Variants in CAMSAP2 observed in about 807,000 individuals in gnomAD.
CAMSAP2 encodes the protein calmodulin regulated spectrin associated protein family member 2.
In CAMSAP2, 26 loss-of-function variants were observed where a neutral mutation model predicts 146.1. The observed-to-expected ratio is 0.18, with a 90% CI of 0.13 to 0.25. CAMSAP2 has a LOEUF of 0.25. Among genes scored for constraint, CAMSAP2 ranks in the 10% least tolerant of loss-of-function variants. CAMSAP2 has a pLI of 1.00. For missense variants in CAMSAP2, 1,381 were observed against 1,759.3 expected, an observed-to-expected ratio of 0.78 and a Z score of 3.85; for synonymous variants, 499 against 596.6, an observed-to-expected ratio of 0.84 and a Z score of 2.38.
rs767210535 is a variant in CAMSAP2, at chr1:200,740,001, C to G, written c.139+35C>G. On this transcript the variant is annotated intron_variant, in intron 1 of 16. Transcript: ENST00000358823. ...GTCACCCTTTCCCTCCCCTCTTCCT[C>G]CTGATGTGGTCCACATCTCGGTTTT... 2.5e-6 allele frequency: 4 copies of G among 1,608,600 alleles called. No homozygotes were observed. The African/African-American group carries it at 5.3e-5, about 21-fold the overall frequency.
At chr1:200,756,427 T>C (rs1169094622) in intron 1 of CAMSAP2, among the ~76,000 whole-genome samples, 2 of 151,214 alleles carry the variant, frequency 1.3e-5, no homozygotes, top group African/African-American at 4.9e-5. Context: ...CACTCCAGCC[T>C]GGGCGACAGA....
chr1:200,840,883 A>G (rs1045197730), intron 6 of CAMSAP2, among the ~76,000 whole-genome samples: 3 of 152,204 alleles, frequency 2.0e-5, no homozygotes, highest in African/African-American at 7.2e-5. Flanking sequence ...ATAGTTATGA[A>G]AACAGATTTT....
At position 200,850,047 on chromosome 1, in the gene CAMSAP2, C is replaced by G; in HGVS notation, c.3278C>G (p.Pro1093Arg). ...CCAAATGAGGACCAATTGAATCAAC[C>G]CACAGAACCCCCTCCTAAACCCGTT... ...LTPNEDQLNQ[P>R]TEPPPKPVFP... The change falls in exon 11 of 17, where the codon CCC becomes CGC. Residue 1093 changes from proline to arginine, a missense_variant. Transcript: ENST00000358823. The G allele has an allele frequency of 6.2e-7, 1 of 1,612,126 alleles. No homozygotes were observed. The highest frequency in any genetic ancestry group is 8.5e-7 in the Non-Finnish European group (1 of 1,179,134).
rs1667767043 is a variant in CAMSAP2, at chr1:200,857,033, G to A, written c.4013-273G>A. Among the ~76,000 whole-genome samples the A allele has an allele frequency of 6.6e-6, 1 of 152,124 alleles. No homozygotes were observed. Among genetic ancestry groups the A allele is most frequent in the Admixed American group, 6.6e-5 (1 of 15,258 alleles). On this transcript the variant is annotated intron_variant, in intron 15 of 16. Transcript: ENST00000358823. This position sits in a 1 kb window ranked among gnomAD's most constrained non-coding sequence, Gnocchi z 4.7. ...TAACCGTATAGATTTAAGAAAGAAG[G>A]TTAAATAGGCAGTATGACAGTTATA...
chr1:200,819,156 A>ATCC (rs1666683346), intron 4 of CAMSAP2, among the ~76,000 whole-genome samples: 1 of 152,224 alleles, frequency 6.6e-6, no homozygotes, highest in Non-Finnish European at 1.5e-5. Context: ...AGGGTATTAG[A>ATCC]TCCTCCAGTG....
intron 1 of CAMSAP2, among the ~76,000 whole-genome samples, chr1:200,756,207 CT>C (rs1664644291): frequency 6.6e-6 from 1 of 152,164 alleles, no homozygotes; most frequent in African/African-American, 2.4e-5. Context: ...AATCCCAGCA[CT>C]TTGGGAGGCC....
chr1:200,816,150 T>C (rs1041473278), intron 4 of CAMSAP2, among the ~76,000 whole-genome samples: 2 of 151,762 alleles, frequency 1.3e-5, no homozygotes, highest in Non-Finnish European at 2.9e-5. Flanking sequence ...AAAAATTAGC[T>C]GGGCATAGTG....
At chr1:200,788,140 T>C (rs1665646273) in intron 2 of CAMSAP2, among the ~76,000 whole-genome samples, 1 of 152,214 alleles carries the variant, frequency 6.6e-6, no homozygotes, top group Non-Finnish European at 1.5e-5. Context: ...GAATGTAGCC[T>C]TTTCACATTG....
chr1:200,746,320 TG>T (rs1664322044), intron 1 of CAMSAP2, among the ~76,000 whole-genome samples: 1 of 151,934 alleles, frequency 6.6e-6, no homozygotes, highest in South Asian at 2.1e-4. Flanking sequence ...TGGAAAGAAG[TG>T]GATGAATGTA....
At chr1:200,754,930 T>C (rs1375341434) in intron 1 of CAMSAP2, among the ~76,000 whole-genome samples, 1 of 152,180 alleles carries the variant, frequency 6.6e-6, no homozygotes, top group Non-Finnish European at 1.5e-5. Flanking sequence ...ATAGACTCAT[T>C]GATGCGTGTT....
chr1:200,751,830 G>A (rs1664515263), intron 1 of CAMSAP2, among the ~76,000 whole-genome samples: 1 of 152,212 alleles, frequency 6.6e-6, no homozygotes, highest in African/African-American at 2.4e-5. Flanking sequence ...GTGGGAATCT[G>A]TGTTGGAAAT....
At position 200,848,952 on chromosome 1, in the gene CAMSAP2, C is replaced by T. The variant is rs747745457; in HGVS notation, c.2183C>T (p.Ala728Val). The change falls in exon 11 of 17, where the codon GCA (alanine) becomes GTA (valine). Residue 728 changes from alanine to valine, a missense_variant. Transcript: ENST00000358823. ...AATATTCCTCATGTGGTTGCTTGGG[C>T]ACAAATTCCAGAAGAAACAGGGCTT... is the stretch of plus-strand genomic sequence containing the variant. ...ELNIPHVVAWAQIPEETGLPQ... is the reference protein window; with the variant it reads ...ELNIPHVVAWVQIPEETGLPQ... 1.9e-5 allele frequency: 30 copies of T among 1,614,130 alleles called. No homozygotes were observed. In the South Asian group the frequency reaches 3.1e-4, roughly 17 times the overall value.
chr1:200,807,663 C>A, intron 3 of CAMSAP2, 126 bp downstream of exon 3: 10 of 520,256 alleles, frequency 1.9e-5, no homozygotes, highest in East Asian at 4.8e-5. Context: ...TTGTAAAATA[C>A]ACTTAAATTT....
Position 200,857,990 on chromosome 1 carries a change from C to G in CAMSAP2, c.4368C>G (p.Thr1456=). Residue 1456 remains threonine, a synonymous_variant, in exon 17 of 17, where the codon ACC becomes ACG. Transcript: ENST00000358823. The surrounding 1 kb of genome is among the most constrained non-coding windows in gnomAD (Gnocchi z 4.7). The stretch of plus-strand genomic sequence containing the variant: ...TATCTGCCAGTGTTGATGCAATTAC[C>G]ATTCATAGCCATTTATGGCAGACCA... The part of the protein sequence containing the change: ...KTLSASVDAI[T]IHSHLWQTKR... The G allele has an allele frequency of 1.2e-6, 2 of 1,613,470 alleles. No individual in the cohort carries two copies. The highest frequency in any genetic ancestry group is 1.7e-6 in the Non-Finnish European group (2 of 1,179,686).
chr1:200,830,008 A>C (rs1667002265), intron 4 of CAMSAP2, among the ~76,000 whole-genome samples: 1 of 152,186 alleles, frequency 6.6e-6, no homozygotes. Flanking sequence ...ATAATGTTGA[A>C]ATATAAAAAT....
chr1:200,752,326 T>C (rs1664529289), intron 1 of CAMSAP2, among the ~76,000 whole-genome samples: 1 of 152,206 alleles, frequency 6.6e-6, no homozygotes, highest in Admixed American at 6.5e-5. Context: ...ATAATATTGC[T>C]TAATGTATCT....
chr1:200,782,515 T>A (rs1665462966), intron 2 of CAMSAP2, among the ~76,000 whole-genome samples: 1 of 152,202 alleles, frequency 6.6e-6, no homozygotes, highest in South Asian at 2.1e-4. Flanking sequence ...CGTTGTAGAT[T>A]AATTTTTGCC....
intron 1 of CAMSAP2, among the ~76,000 whole-genome samples, chr1:200,744,078 G>A (rs745578567): frequency 6.6e-6 from 1 of 152,158 alleles, no homozygotes; most frequent in African/African-American, 2.4e-5. Context: ...AGGTGGAAAG[G>A]TTACTTATTC....
intron 4 of CAMSAP2, among the ~76,000 whole-genome samples, chr1:200,827,156 G>T (rs1195489343): frequency 1.3e-5 from 2 of 151,876 alleles, no homozygotes; most frequent in Non-Finnish European, 2.9e-5. Context: ...TCCTTTTTCC[G>T]CCAAGAAGAT....
Sources: gnomAD v4.1 joint callset for allele counts (sites outside exome capture counted in the v4.1 genomes callset) on GRCh38, gnomAD v4.1.1 for gene constraint, Gnocchi (gnomAD v3.1) non-coding constraint, MANE v1.5 for transcripts, NCBI Gene and HGNC (gene_info 2026-07-23, HGNC 2026-07-21) for gene names.